The following MANSC1 variants were observed in gnomAD, a reference collection of about 807,000 sequenced individuals.
MANSC1 encodes MANSC domain-containing protein 1.
In MANSC1, 13 loss-of-function variants were observed where a neutral mutation model predicts 14.1. That is an observed-to-expected ratio of 0.92 (90% confidence interval 0.60 to 1.46). The LOEUF (loss-of-function observed/expected upper bound fraction) is 1.46. MANSC1 is among the 40% of genes most tolerant of loss of function. The probability of loss-of-function intolerance (pLI) is 0.00; values close to 1 mark genes in which losing one functional copy is unlikely to be tolerated. For synonymous variants in MANSC1, 227 were observed against 200.7 expected, an observed-to-expected ratio of 1.13 and a Z score of -1.11; for missense variants, 486 against 511.4, an observed-to-expected ratio of 0.95 and a Z score of 0.48.
At chr12:12,337,425 G>T (rs1862873177) in intron 3 of MANSC1, among the ~76,000 whole-genome samples, 1 of 152,080 alleles carries the variant, frequency 6.6e-6, no homozygotes, top group African/African-American at 2.4e-5. Context: ...GCCGGGCGTG[G>T]TGGCGGGCAC....
intron 1 of MANSC1, among the ~76,000 whole-genome samples, chr12:12,346,925 T>C (rs1023240173): frequency 2.0e-5 from 3 of 150,810 alleles, no homozygotes; most frequent in African/African-American, 7.3e-5. Context: ...TTAAAGAGAA[T>C]GAAAAGATAA....
At chr12:12,338,917 A>ACACACC (rs749773741) in intron 2 of MANSC1, 14 of 241,322 alleles carry the variant, frequency 5.8e-5, no homozygotes, top group Admixed American at 4.0e-4. Context: ...ACACACACAC[A>ACACACC]CCCCTAAGAC....
rs1862728634 is a variant in MANSC1 at position 12,328,035 on chromosome 12, T to C, written c.*1992A>G. 1 of 152,180 alleles carries C rather than the reference T, an allele frequency of 6.6e-6. No individual in the cohort carries two copies. Among genetic ancestry groups the C allele is most frequent in the African/African-American group, 2.4e-5 (1 of 41,438 alleles). The allele number at this position is 152,180 out of a possible 1,614,324, so 9.4% of individuals were successfully genotyped here. On this transcript the variant is annotated 3_prime_UTR_variant, in exon 4 of 4. Transcript: ENST00000535902. ...TATTAAGTTCGCATCTGAATTCCATTTTTATCTTTAAAAACTCTGGTGACA... is the reference window on the plus strand; with the variant it reads ...TATTAAGTTCGCATCTGAATTCCATCTTTATCTTTAAAAACTCTGGTGACA...
chr12:12,334,299 A>G (rs1245129998), intron 3 of MANSC1, among the ~76,000 whole-genome samples: 1 of 149,800 alleles, frequency 6.7e-6, no homozygotes, highest in Non-Finnish European at 1.5e-5. Flanking sequence ...AAAAAAAAAA[A>G]GAGAGAGAGA....
At chr12:12,335,250 G>A (rs1042721944) in intron 3 of MANSC1, among the ~76,000 whole-genome samples, 2 of 151,848 alleles carry the variant, frequency 1.3e-5, no homozygotes, top group East Asian at 1.9e-4. Context: ...TCTCACCTGC[G>A]CCTCCTAACC....
At chr12:12,340,551 T>C (rs995114113) in intron 2 of MANSC1, among the ~76,000 whole-genome samples, 7 of 152,238 alleles carry the variant, frequency 4.6e-5, no homozygotes, top group African/African-American at 1.4e-4. Context: ...CATCGTGTTA[T>C]GTGCATTTTT....
intron 2 of MANSC1, chr12:12,338,890 A>ACACACACACACACACAC (rs1555141160): frequency 3.4e-4 from 65 of 192,996 alleles, no homozygotes; most frequent in Non-Finnish European, 5.0e-4. Context: ...CACACACACA[A>ACACACACACACACACAC]ACACACACAC....
intron 1 of MANSC1, among the ~76,000 whole-genome samples, chr12:12,347,318 C>T (rs917181099): frequency 4.6e-5 from 7 of 152,160 alleles, no homozygotes; most frequent in Admixed American, 4.6e-4. Flanking sequence ...AGATCCCTCA[C>T]ATGTGCAGTT....
At chr12:12,348,007 G>A (rs997765332) in intron 1 of MANSC1, among the ~76,000 whole-genome samples, 17 of 151,950 alleles carry the variant, frequency 1.1e-4, no homozygotes, top group Non-Finnish European at 2.1e-4. Context: ...AGGTTGCAGT[G>A]AGCCGAGATC....
intron 3 of MANSC1, among the ~76,000 whole-genome samples, chr12:12,335,900 C>T (rs1374961704): frequency 1.4e-4 from 21 of 151,822 alleles, no homozygotes; most frequent in Admixed American, 1.3e-3. Flanking sequence ...TAAAAACTCC[C>T]GGCCGGGCAC....
intron 2 of MANSC1, among the ~76,000 whole-genome samples, chr12:12,342,108 G>A (rs1159382300): frequency 1.3e-5 from 2 of 152,200 alleles, no homozygotes; most frequent in African/African-American, 4.8e-5. Context: ...ACGCCTGGCT[G>A]ATTTTTTACT....
rs1862725009 is a variant in MANSC1 at position 12,327,685 on chromosome 12, CTTG to C, written c.*2339_*2341del. The C allele has an allele frequency of 1.3e-5, 2 of 152,204 alleles. No individual in the cohort carries two copies. Among genetic ancestry groups the C allele is most frequent in the South Asian group, 4.1e-4 (2 of 4,838 alleles). 9.4% of individuals were successfully genotyped at this position (152,204 alleles called of 1,614,324 possible). On this transcript the variant is annotated 3_prime_UTR_variant, in exon 4 of 4. Transcript: ENST00000535902. ...CCTACATGTGGATATTCAATAAATACTTGTTAAGTTAAATTGACTCAAGGTTTT... is the reference window on the plus strand; with the variant it reads ...CCTACATGTGGATATTCAATAAATACTTAAGTTAAATTGACTCAAGGTTTT...
intron 1 of MANSC1, among the ~76,000 whole-genome samples, chr12:12,349,445 A>G (rs1863048840): frequency 6.6e-6 from 1 of 152,230 alleles, no homozygotes; most frequent in Non-Finnish European, 1.5e-5. Context: ...TTATATCATT[A>G]AAGAGGCTCA....
Position 12,328,394 on chromosome 12 carries a change from C to G in MANSC1, c.*1633G>C, listed in dbSNP as rs899238988. 4 of 151,980 alleles carry G rather than the reference C, an allele frequency of 2.6e-5. No homozygotes were observed. Among genetic ancestry groups the G allele is most frequent in the Non-Finnish European group, 5.9e-5 (4 of 68,046 alleles). The allele number at this position is 151,980 out of a possible 1,614,324, so 9.4% of individuals were successfully genotyped here. A position where few individuals can be genotyped will look rare whatever the true frequency, so the allele number is the denominator to read the frequency against. The stretch of plus-strand genomic sequence containing the variant: ...GCCTCAGCCTCCCAAGTAGCTGGAA[C>G]TACAGGCGCCCGCCACCACGCCCGG... On this transcript the variant is annotated 3_prime_UTR_variant, in exon 4 of 4. Transcript: ENST00000535902.
rs1862725531 is a variant in MANSC1, at chr12:12,327,746, C to A, written c.*2281G>T. 1 of 151,954 alleles carries A rather than the reference C, an allele frequency of 6.6e-6. No homozygotes were observed. The highest frequency in any genetic ancestry group is 2.1e-4 in the South Asian group (1 of 4,800). 9.4% of individuals were successfully genotyped at this position (151,954 alleles called of 1,614,324 possible). A position where few individuals can be genotyped will look rare whatever the true frequency, so the allele number is the denominator to read the frequency against. ...CAGCCTACTTAAAGCTTATGTAAAC[C>A]CCTTGGAGATTTGTGTCAAGCTGTT... On this transcript the variant is annotated 3_prime_UTR_variant, in exon 4 of 4. Transcript: ENST00000535902.
chr12:12,343,769 A>G (rs113662292), intron 1 of MANSC1, among the ~76,000 whole-genome samples: 30 of 152,330 alleles, frequency 2.0e-4, no homozygotes, highest in African/African-American at 7.2e-4. Flanking sequence ...CAGTAGTAAT[A>G]GGTTTGAGCA....
intron 1 of MANSC1, among the ~76,000 whole-genome samples, chr12:12,345,624 A>T (rs1318727119): frequency 6.6e-6 from 1 of 152,210 alleles, no homozygotes; most frequent in Non-Finnish European, 1.5e-5. Flanking sequence ...CAATACAAGA[A>T]ATTATCCTCA....
chr12:12,334,017 G>A (rs769095325), intron 3 of MANSC1, among the ~76,000 whole-genome samples: 17 of 152,180 alleles, frequency 1.1e-4, no homozygotes, highest in Non-Finnish European at 2.4e-4. Flanking sequence ...GAGAGGCCGA[G>A]GCAGGATGAT....
chr12:12,331,524 G>A (rs778741816), intron 3 of MANSC1, among the ~76,000 whole-genome samples: 2 of 152,224 alleles, frequency 1.3e-5, no homozygotes, highest in Admixed American at 6.5e-5. Flanking sequence ...GGGAGAATGC[G>A]GGGGAAGGTG....
Sources: allele counts gnomAD v4.1 joint callset (sites outside exome capture counted in the v4.1 genomes callset), GRCh38; gene constraint gnomAD v4.1.1; transcripts MANE v1.5; gene names NCBI Gene and HGNC (gene_info 2026-07-23, HGNC 2026-07-21).